GALNS: variants seen among roughly 807,000 people sequenced by gnomAD.
GALNS encodes the protein N-acetylgalactosamine-6-sulfatase.
In GALNS, 65 loss-of-function variants were observed where a neutral mutation model predicts 65.9. The ratio of observed to expected loss-of-function variants is 0.99; its 90% CI spans 0.81 to 1.21. The LOEUF (loss-of-function observed/expected upper bound fraction) is 1.21, where lower values mean the gene tolerates loss of function less well. Ranked by LOEUF, GALNS falls within the 50% of genes most tolerant of loss-of-function variation. The probability of loss-of-function intolerance (pLI) is 0.00; values close to 1 mark genes in which losing one functional copy is unlikely to be tolerated. For missense variants in GALNS, 776 were observed against 700.7 expected (o/e 1.11, Z -1.21); for synonymous variants, 346 against 288.9 (o/e 1.20, Z -2.00).
At chr16:88,825,652 C>G (rs1303143642) in intron 10 of GALNS, among the ~76,000 whole-genome samples, 3 of 151,248 alleles carry the variant, frequency 2.0e-5, no homozygotes, top group African/African-American at 7.3e-5. Context: ...CCCCTCATTG[C>G]TGGTCCTTGG....
chr16:88,834,324 C>T (rs1249847893), intron 8 of GALNS, among the ~76,000 whole-genome samples: 2 of 138,524 alleles, frequency 1.4e-5, no homozygotes, highest in Admixed American at 1.5e-4. Flanking sequence ...GTAGGGCTCT[C>T]CCCACCACGT....
In GALNS at chr16:88,818,664, C is replaced by T. The variant is rs3826068; in HGVS notation, c.1365-540G>A. Among the ~76,000 whole-genome samples, 419 of 152,344 alleles carry T rather than the reference C, an allele frequency of 2.8e-3. 4 individuals are homozygous for T. The highest frequency in any genetic ancestry group is 0.018 in the East Asian group (92 of 5,190). On this transcript the variant is annotated intron_variant, in intron 12 of 13. Coordinates refer to ENST00000268695, the MANE Select transcript of GALNS (RefSeq NM_000512.5). ...CACGGCTCGACGAGGTGCCACGGTT[C>T]GCGATGTCAGGGCCGCAGTTTGCGA...
In GALNS at chr16:88,837,619, T is replaced by C. The variant is rs1464451985; in HGVS notation, c.566+3A>G. On this transcript the variant is annotated splice_donor_region_variant and intron_variant, in intron 5 of 13. Coordinates refer to ENST00000268695, the MANE Select transcript of GALNS (RefSeq NM_000512.5). The stretch of plus-strand genomic sequence containing the variant: ...GGGAGGGGAAGGGGTGGGGCTCCAT[T>C]ACCTGCCAACCATCTCCCAGTCCCT... 6.2e-7 allele frequency: 1 copy of C among 1,612,578 alleles called. No individual in the cohort carries two copies. The highest frequency in any genetic ancestry group is 1.3e-5 in the African/African-American group (1 of 74,872).
chr16:88,856,398 G>T, intron 1 of GALNS: 1 of 701,786 alleles, frequency 1.4e-6, no homozygotes, highest in Non-Finnish European at 2.6e-6. Flanking sequence ...AGAGTAGAGG[G>T]CGGGAAAGGT....
chr16:88,828,465 A>G (rs1371690222), intron 9 of GALNS, among the ~76,000 whole-genome samples: 4 of 152,208 alleles, frequency 2.6e-5, no homozygotes, highest in Admixed American at 6.5e-5. Context: ...TGCAGGGACT[A>G]AAGCCTCCCC....
In GALNS at chr16:88,818,039, G is replaced by A. The variant is rs1204485789; in HGVS notation, c.1450C>T (p.Pro484Ser). Residue 484 changes from proline to serine, a missense_variant, in exon 13 of 14, where the codon CCC (proline) becomes TCC (serine). Pro to Ser is a moderately conservative substitution (Grantham distance 74, BLOSUM62 -1). Transcript: ENST00000268695. ...QHQEALVPAQ[P>S]QLNVCNWAVM... ...GCCCAGTTGCACACGTTGAGCTGGG[G>A]CTGCGCGGGGACCAAGGCCTCCTGG... 1 of 1,582,322 alleles carries A rather than the reference G, an allele frequency of 6.3e-7. No homozygotes were observed. The highest frequency in any genetic ancestry group is 1.1e-5 in the South Asian group (1 of 87,130).
intron 10 of GALNS, among the ~76,000 whole-genome samples, chr16:88,826,011 C>T (rs1386278841): frequency 1.3e-5 from 2 of 152,070 alleles, no homozygotes; most frequent in African/African-American, 2.4e-5. Context: ...GGACTTTGGA[C>T]ACTAAGGATT....
rs148709901 is a variant in GALNS, at chr16:88,822,684, G to A, written c.1269C>T (p.Asn423=). Residue 423 remains asparagine, a synonymous_variant, in exon 12 of 14, where the codon AAC becomes AAT. Transcript: ENST00000268695. The stretch of plus-strand genomic sequence containing the variant: ...GATTGTGAGTTGTGACCCCTGAAAC[G>A]TTCTGCCCAGGGCAGAAATCAATGC... ...RQGIDFCPGQ[N]VSGVTTHNLE... is the part of the protein sequence containing the mutation. The A allele has an allele frequency of 4.2e-5, 68 of 1,612,954 alleles. No homozygotes were observed. Among genetic ancestry groups the A allele is most frequent in the East Asian group, 2.2e-4 (10 of 44,834 alleles).
chr16:88,818,900 G>A (rs975224788), intron 12 of GALNS, among the ~76,000 whole-genome samples: 33 of 152,212 alleles, frequency 2.2e-4, no homozygotes, highest in Middle Eastern at 6.3e-3. Flanking sequence ...TGGGAGCTGC[G>A]TTGCTGCTGG....
intron 2 of GALNS, 76 bp from the exon 3 acceptor site, chr16:88,842,047 A>G (rs113232687): frequency 1.6e-6 from 2 of 1,286,402 alleles, no homozygotes; most frequent in Non-Finnish European, 2.2e-6. Context: ...AAGAGCCCCA[A>G]CGAGTAGACA....
intron 13 of GALNS, 72 bp from the exon 14 acceptor site, chr16:88,814,597 T>C: frequency 6.5e-7 from 1 of 1,546,264 alleles, no homozygotes; most frequent in Admixed American, 2.0e-5. Flanking sequence ...CAGCGGGCAT[T>C]TTGTTGTTGC....
chr16:88,836,802 T>C (rs961686011), intron 5 of GALNS, among the ~76,000 whole-genome samples: 3 of 151,906 alleles, frequency 2.0e-5, no homozygotes, highest in African/African-American at 7.3e-5. Context: ...CATGGGAAGA[T>C]GGGGGAATGG....
chr16:88,821,074 G>C (rs1910163429), intron 12 of GALNS, among the ~76,000 whole-genome samples: 1 of 152,180 alleles, frequency 6.6e-6, no homozygotes, highest in African/African-American at 2.4e-5. Context: ...GTGATCACGA[G>C]TCCCCCGGGG....
chr16:88,838,742 G>A (rs1216902401), intron 4 of GALNS: 1 of 152,298 alleles, frequency 6.6e-6, no homozygotes, highest in Non-Finnish European at 1.5e-5. Flanking sequence ...GTATGAGATG[G>A]CTTCTAGGCA....
chr16:88,856,766 T>C lies in GALNS; in HGVS notation c.112A>G (p.Met38Val), dbSNP rs1306083557. 1 of 1,467,026 alleles carries C rather than the reference T, an allele frequency of 6.8e-7. No homozygotes were observed. The highest frequency in any genetic ancestry group is 1.4e-5 in the African/African-American group (1 of 69,126). The allele number at this position is 1,467,026 out of a possible 1,614,324, so 90.9% of individuals were successfully genotyped here. The part of the protein sequence containing the change: ...PQPPNILLLL[M>V]DDMGWGDLGV... ...CCACCGCCCGCACTCACGTCGTCCA[T>C]GAGCAGGAGCAGGATGTTGGGGGGC... is the stretch of plus-strand genomic sequence containing the variant. Residue 38 changes from methionine (M) to valine (V), a missense_variant, in exon 1 of 14, where the codon ATG becomes GTG. By Grantham distance (21) the Met-to-Val change is conservative. Transcript: ENST00000268695.
At chr16:88,853,068 T>A (rs1967581896) in intron 1 of GALNS, among the ~76,000 whole-genome samples, 1 of 151,662 alleles carries the variant, frequency 6.6e-6, no homozygotes, top group African/African-American at 2.4e-5. Flanking sequence ...CTGGCCAATA[T>A]GGTGAAACCC....
chr16:88,817,315 TG>T, intron 13 of GALNS: 1 of 985,410 alleles, frequency 1.0e-6, no homozygotes, highest in Non-Finnish European at 1.2e-6. Flanking sequence ...CGTCTGTGCT[TG>T]TGTTTCTGGC....
Position 88,840,984 on chromosome 16 carries a change from A to G in GALNS, c.422+8T>C. On this transcript the variant is annotated splice_region_variant and intron_variant, in intron 4 of 13. Coordinates refer to ENST00000268695, the MANE Select transcript of GALNS (RefSeq NM_000512.5). ...GGACGCCTGGGCAGGCGTGGCCAGGAGACTTACCACTTGCCGACAATCTTG... is the reference window on the plus strand; with the variant it reads ...GGACGCCTGGGCAGGCGTGGCCAGGGGACTTACCACTTGCCGACAATCTTG... 1 of 1,609,278 alleles carries G rather than the reference A, an allele frequency of 6.2e-7. No homozygotes were observed. The highest frequency in any genetic ancestry group is 1.1e-5 in the South Asian group (1 of 90,996).
chr16:88,855,372 T>C lies in GALNS; in HGVS notation c.120+1386A>G, dbSNP rs1022177520. On this transcript the variant is annotated intron_variant, in intron 1 of 13. Coordinates refer to ENST00000268695, the MANE Select transcript of GALNS (RefSeq NM_000512.5). Reference sequence around the variant, plus strand: ...AAATTCTGAAACAAAGTATCTACACTGGCCCAGAGGAACTTCAAAAGTGAA... The same window carrying C: ...AAATTCTGAAACAAAGTATCTACACCGGCCCAGAGGAACTTCAAAAGTGAA... 3 of 702,424 alleles carry C rather than the reference T, an allele frequency of 4.3e-6. No individual in the cohort carries two copies. The African/African-American group carries it at 5.2e-5, about 12-fold the overall frequency. The allele number at this position is 702,424 out of a possible 1,614,324, so 43.5% of individuals were successfully genotyped here. A position where few individuals can be genotyped will look rare whatever the true frequency, so the allele number is the denominator to read the frequency against.
Sources: gnomAD v4.1 joint callset for allele counts (sites outside exome capture counted in the v4.1 genomes callset) on GRCh38, gnomAD v4.1.1 for gene constraint, MANE v1.5 for transcripts, NCBI Gene and HGNC (gene_info 2026-07-23, HGNC 2026-07-21) for gene names.